FBXO42: variants seen among roughly 807,000 people sequenced by gnomAD.
FBXO42 encodes the protein F-box protein 42, also known as F-box only protein 42.
Under a neutral mutation model 71.7 loss-of-function variants are expected in FBXO42, and 12 were observed. The ratio of observed to expected loss-of-function variants is 0.17; its 90% confidence interval spans 0.11 to 0.27. The LOEUF (loss-of-function observed/expected upper bound fraction) is 0.27, where lower values mean the gene tolerates loss of function less well. Among genes scored for constraint, FBXO42 ranks in the 10% least tolerant of loss-of-function variants. The pLI is 1.00. For synonymous variants in FBXO42, 325 were observed against 327.5 expected (o/e 0.99, Z 0.08); for missense variants, 707 against 911.9 (o/e 0.78, Z 2.89).
intron 1 of FBXO42, among the ~76,000 whole-genome samples, chr1:16,337,580 C>G (rs1009761062): frequency 6.6e-6 from 1 of 151,912 alleles, no homozygotes; most frequent in African/African-American, 2.4e-5. Flanking sequence ...TTCAAACCAT[C>G]CTCAAAAGAA....
chr1:16,297,908 C>T (rs149076849), intron 3 of FBXO42, among the ~76,000 whole-genome samples: 77 of 146,326 alleles, frequency 5.3e-4, no homozygotes, highest in African/African-American at 1.8e-3. Flanking sequence ...GAATCCATGG[C>T]TCACATGTCA....
chr1:16,348,418 G>A (rs1354369985), intron 1 of FBXO42, among the ~76,000 whole-genome samples: 1 of 152,092 alleles, frequency 6.6e-6, no homozygotes, highest in Non-Finnish European at 1.5e-5. Flanking sequence ...AGTGTAATTC[G>A]TCGGGAGCGG....
intron 4 of FBXO42, chr1:16,294,508 C>T (rs907040261): frequency 1.1e-5 from 4 of 373,528 alleles, no homozygotes; most frequent in Admixed American, 4.3e-5. Context: ...ATGTATCACA[C>T]CTGTATGAGT....
In FBXO42 at chr1:16,294,897, T is replaced by G; in HGVS notation, c.388A>C (p.Asn130His). The G allele has an allele frequency of 1.2e-6, 2 of 1,611,082 alleles. No homozygotes were observed. The highest frequency in any genetic ancestry group is 1.7e-6 in the Non-Finnish European group (2 of 1,178,890). ...FSHSACYYDA[N>H]QSMYVFGGCT... ...CCTCCAAACACATACATAGACTGAT[T>G]AGCATCATAATAGCATGCACCTAGA... The change falls in exon 4 of 10, where the codon AAT (asparagine) becomes CAT (histidine). Residue 130 changes from asparagine (N) to histidine (H), a missense_variant. Transcript: ENST00000375592.
intron 4 of FBXO42, among the ~76,000 whole-genome samples, chr1:16,258,975 A>G (rs1316620717): frequency 6.6e-6 from 1 of 152,110 alleles, no homozygotes; most frequent in African/African-American, 2.4e-5. Flanking sequence ...CCTGGCCTCA[A>G]GCGATCCTCC....
At chr1:16,326,042 G>GTGTGTGTGTGTGTGTGTGTGTC (rs1553154834) in intron 1 of FBXO42, among the ~76,000 whole-genome samples, 1 of 150,354 alleles carries the variant, frequency 6.7e-6, no homozygotes, top group African/African-American at 2.5e-5. Context: ...GTGTGTGTGT[G>GTGTGTGTGTGTGTGTGTGTGTC]TGTGTGTCTG....
chr1:16,337,535 T>G (rs879812771), intron 1 of FBXO42, among the ~76,000 whole-genome samples: 2 of 152,162 alleles, frequency 1.3e-5, no homozygotes, highest in African/African-American at 2.4e-5. Flanking sequence ...ATTTATTCTT[T>G]TTAAGAGATA....
chr1:16,283,629 TG>T (rs2081990270), intron 4 of FBXO42, among the ~76,000 whole-genome samples: 1 of 151,162 alleles, frequency 6.6e-6, no homozygotes, highest in African/African-American at 2.4e-5. Flanking sequence ...CCCGAGTAGC[TG>T]GGATTACAGG....
Position 16,249,574 on chromosome 1 carries a change from A to G in FBXO42, c.*1096T>C, listed in dbSNP as rs2081570480. The G allele has an allele frequency of 6.6e-6, 1 of 152,238 alleles. No homozygotes were observed. The highest frequency in any genetic ancestry group is 2.1e-4 in the South Asian group (1 of 4,836). 9.4% of individuals were successfully genotyped at this position (152,238 alleles called of 1,614,324 possible). A position where few individuals can be genotyped will look rare whatever the true frequency, so the allele number is the denominator to read the frequency against. ...TGCTCAATGTGCTTTGGAAGTAAAA[A>G]GAAGCCCATAGGGAAAAAACAGTAT... On this transcript the variant is annotated 3_prime_UTR_variant, in exon 10 of 10. Transcript: ENST00000375592.
At chr1:16,275,563 G>A (rs528477361) in intron 4 of FBXO42, among the ~76,000 whole-genome samples, 1 of 152,202 alleles carries the variant, frequency 6.6e-6, no homozygotes, top group South Asian at 2.1e-4. Context: ...AGGCTGCAGT[G>A]AGCTATGATG....
At chr1:16,292,035 C>T (rs1419415122) in intron 4 of FBXO42, among the ~76,000 whole-genome samples, 3 of 152,146 alleles carry the variant, frequency 2.0e-5, no homozygotes, top group African/African-American at 7.2e-5. Context: ...GGTTTTCCTC[C>T]TTCTAAAACT....
At chr1:16,348,609 G>A (rs1326320705) in intron 1 of FBXO42, among the ~76,000 whole-genome samples, 2 of 152,162 alleles carry the variant, frequency 1.3e-5, no homozygotes, top group Non-Finnish European at 1.5e-5. Context: ...GCTGAGGCAG[G>A]AGAATCGCTG....
At chr1:16,347,992 C>CAAAAAAAAAAA (rs541561756) in intron 1 of FBXO42, among the ~76,000 whole-genome samples, 1 of 67,756 alleles carries the variant, frequency 1.5e-5, no homozygotes, top group African/African-American at 5.5e-5. Context: ...GACTCCGTCT[C>CAAAAAAAAAAA]AAAAAAAAAA....
intron 1 of FBXO42, among the ~76,000 whole-genome samples, chr1:16,320,424 G>A (rs2082402791): frequency 6.7e-6 from 1 of 148,786 alleles, no homozygotes; most frequent in Non-Finnish European, 1.5e-5. Context: ...ACTTCCCATA[G>A]TCCCTCTTAC....
chr1:16,338,804 CTTTTTT>C (rs71574177), intron 1 of FBXO42, among the ~76,000 whole-genome samples: 1,260 of 81,038 alleles, frequency 0.016, 14 homozygotes, highest in African/African-American at 0.055. Flanking sequence ...TTCCATTTGT[CTTTTTT>C]TTTTTTTTTT....
At chr1:16,345,715 G>A (rs1374742767) in intron 1 of FBXO42, among the ~76,000 whole-genome samples, 3 of 151,984 alleles carry the variant, frequency 2.0e-5, no homozygotes, top group African/African-American at 7.3e-5. Flanking sequence ...GGGCATGGTG[G>A]CGGGCGCCTG....
At chr1:16,265,702 A>G (rs143358826) in intron 4 of FBXO42, among the ~76,000 whole-genome samples, 1,648 of 152,112 alleles carry the variant, frequency 0.011, 30 homozygotes, top group African/African-American at 0.037. Flanking sequence ...TAATCAAGAA[A>G]TCCAACCTAA....
chr1:16,283,797 T>TGG (rs1486520671), intron 4 of FBXO42, among the ~76,000 whole-genome samples: 1 of 152,094 alleles, frequency 6.6e-6, no homozygotes, highest in Non-Finnish European at 1.5e-5. Context: ...GCCTGGCCTG[T>TGG]GGCAAGTTTT....
At chr1:16,323,955 C>T in intron 1 of FBXO42, among the ~76,000 whole-genome samples, 1 of 152,080 alleles carries the variant, frequency 6.6e-6, no homozygotes, top group South Asian at 2.1e-4. Context: ...GAACAGATGT[C>T]ATTATGAACT....
Sources: allele counts gnomAD v4.1 joint callset (sites outside exome capture counted in the v4.1 genomes callset), GRCh38; gene constraint gnomAD v4.1.1; transcripts MANE v1.5; gene names NCBI Gene and HGNC (gene_info 2026-07-23, HGNC 2026-07-21).